The following DUT variants were observed in gnomAD, a reference collection of about 807,000 sequenced individuals.
The protein encoded by DUT is deoxyuridine triphosphatase.
Under a neutral mutation model 28.8 loss-of-function variants are expected in DUT, and 21 were observed. The observed-to-expected ratio is 0.73, with a 90% CI of 0.52 to 1.05. DUT has a LOEUF of 1.05. Ranked by LOEUF, DUT falls within the 50% of genes least tolerant of loss-of-function variation. The pLI, the probability that DUT is intolerant of heterozygous loss-of-function variation, is 0.00. For synonymous variants in DUT, 147 were observed against 143.7 expected, an observed-to-expected ratio of 1.02 and a Z score of -0.17; for missense variants, 344 against 351.8, an observed-to-expected ratio of 0.98 and a Z score of 0.18.
rs200067199 is a variant in DUT, at chr15:48,336,023, A to G, written c.512-23A>G. ...TAGCCCTTCCCCCTTAAAATAACCA[A>G]TGTCTCCTTTTTTGTTTTTTAGCTC... On this transcript the variant is annotated intron_variant, in intron 3 of 6. Transcript: ENST00000331200. 8 of 1,601,672 alleles carry G rather than the reference A, an allele frequency of 5.0e-6. No homozygotes were observed. The African/African-American group carries it at 9.4e-5, about 19-fold the overall frequency.
Position 48,341,566 on chromosome 15 carries a change from C to T in DUT, c.683C>T (p.Pro228Leu), listed in dbSNP as rs2141169600. The change falls in exon 6 of 7, where the codon CCA becomes CTA. Residue 228 changes from proline (P) to leucine (L), a missense_variant. By Grantham distance (98) the Pro-to-Leu change is moderately conservative. Transcript: ENST00000331200. ...AQLICERIFY[P>L]EIEEVQALDD... ...CTCATTTGCGAACGGATTTTTTATC[C>T]AGAAATAGAAGAAGTTCAAGTAAGT... 6.2e-7 allele frequency: 1 copy of T among 1,612,180 alleles called. No individual in the cohort carries two copies.
upstream of DUT, chr15:48,331,104 G>GAAA: frequency 8.3e-7 from 1 of 1,200,078 alleles, no homozygotes; most frequent in Admixed American, 4.2e-5. Context: ...CGCAATAACT[G>GAAA]TCACCGGCGC....
intron 2 of DUT, among the ~76,000 whole-genome samples, chr15:48,334,209 T>C (rs2042450277): frequency 6.6e-6 from 1 of 152,222 alleles, no homozygotes; most frequent in African/African-American, 2.4e-5. Flanking sequence ...TAAAGCTGTC[T>C]TTTTAATAAT....
chr15:48,334,779 T>C (rs2042457066), intron 3 of DUT, among the ~76,000 whole-genome samples: 1 of 152,242 alleles, frequency 6.6e-6, no homozygotes. Flanking sequence ...TTTTATATTA[T>C]GAGAGTAAAA....
Position 48,332,346 on chromosome 15 carries a change from C to G in DUT, c.359C>G (p.Ser120Cys). Reference sequence around the variant, plus strand: ...ATGCAGCTCCGCTTTGCCCGGCTCTCCGAGCACGCCACGGCCCCCACCCGG... The same window carrying G: ...ATGCAGCTCCGCTTTGCCCGGCTCTGCGAGCACGCCACGGCCCCCACCCGG... Reference protein sequence around the residue: ...GGMQLRFARLSEHATAPTRGS... With the variant: ...GGMQLRFARLCEHATAPTRGS... Residue 120 changes from serine to cysteine, a missense_variant, in exon 2 of 7, where the codon TCC (serine) becomes TGC (cysteine). Ser to Cys is a moderately radical substitution (Grantham distance 112). Coordinates refer to ENST00000331200, the MANE Select transcript of DUT (RefSeq NM_001025248.2). The G allele has an allele frequency of 6.2e-7, 1 of 1,605,790 alleles. No individual in the cohort carries two copies. The highest frequency in any genetic ancestry group is 8.5e-7 in the Non-Finnish European group (1 of 1,177,170).
chr15:48,336,431 A>G lies in DUT; in HGVS notation c.556+341A>G, dbSNP rs1434432610. Among the ~76,000 whole-genome samples, 4 of 152,338 alleles carry G rather than the reference A, an allele frequency of 2.6e-5. No homozygotes were observed. The East Asian group carries it at 7.7e-4, about 29-fold the overall frequency. ...TCTGTCTTTAGCAAAATTTAAGAAG[A>G]AAATCTTTCCCTGAAGTCAGGAGAG... On this transcript the variant is annotated intron_variant, in intron 4 of 6. Coordinates refer to ENST00000331200, the MANE Select transcript of DUT (RefSeq NM_001025248.2).
intron 4 of DUT, 138 bp from the exon 5 acceptor site, chr15:48,341,151 T>G: frequency 1.8e-6 from 1 of 565,878 alleles, no homozygotes; most frequent in South Asian, 2.8e-5. Flanking sequence ...AGGCTTTACA[T>G]AGTACCAGGG....
chr15:48,341,982 T>A, intron 6 of DUT, 40 bp from the exon 7 acceptor site: 1 of 1,511,612 alleles, frequency 6.6e-7, no homozygotes, highest in Non-Finnish European at 8.9e-7. Flanking sequence ...AAGAGGCTCT[T>A]AAAAAAAACT....
At chr15:48,332,737 G>A in intron 2 of DUT, 1 of 551,040 alleles carries the variant, frequency 1.8e-6, no homozygotes, top group Non-Finnish European at 3.5e-6. Flanking sequence ...GAAAAACCAA[G>A]GTGAGAGCCT....
At chr15:48,336,339 AT>A (rs2042475391) in intron 4 of DUT, among the ~76,000 whole-genome samples, 1 of 152,204 alleles carries the variant, frequency 6.6e-6, no homozygotes, top group South Asian at 2.1e-4. Flanking sequence ...TTAAGTAATT[AT>A]TTAAGCAACA....
In DUT at chr15:48,341,555, G is replaced by A. The variant is rs778297726; in HGVS notation, c.672G>A (p.Arg224=). Residue 224 remains arginine (R), a synonymous_variant, in exon 6 of 7, where the codon CGG becomes CGA. Coordinates refer to ENST00000331200, the MANE Select transcript of DUT (RefSeq NM_001025248.2). ...GDRIAQLICE[R]IFYPEIEEVQ... ...GAATTGCACAGCTCATTTGCGAACG[G>A]ATTTTTTATCCAGAAATAGAAGAAG... The A allele has an allele frequency of 3.1e-6, 5 of 1,612,916 alleles. No individual in the cohort carries two copies. Among genetic ancestry groups the A allele is most frequent in the Non-Finnish European group, 2.5e-6 (3 of 1,179,364 alleles).
At position 48,331,466 on chromosome 15, in the gene DUT, G is replaced by T; in HGVS notation, c.-50G>T. The T allele has an allele frequency of 6.2e-7, 1 of 1,603,400 alleles. No homozygotes were observed. The highest frequency in any genetic ancestry group is 8.5e-7 in the Non-Finnish European group (1 of 1,175,746). On this transcript the variant is annotated 5_prime_UTR_variant, in exon 1 of 7. Coordinates refer to ENST00000331200, the MANE Select transcript of DUT (RefSeq NM_001025248.2). ...GGCGCGTCTTCAGGGTGGAAGCCTG[G>T]CGCACGTCCGGAGGTGCCGAGGACC...
intron 1 of DUT, 58 bp downstream of exon 1, chr15:48,331,853 C>G (rs2042415757): frequency 1.2e-6 from 1 of 836,600 alleles, no homozygotes; most frequent in Non-Finnish European, 1.4e-6. Context: ...CGGCTTGAGG[C>G]TGTGGGGGAA....
intron 5 of DUT, 55 bp downstream of exon 5, chr15:48,341,418 G>A (rs1277584197): frequency 1.3e-6 from 2 of 1,546,328 alleles, no homozygotes; most frequent in Admixed American, 3.4e-5. Flanking sequence ...AGTCATGTAT[G>A]TGTAAATTAA....
Position 48,332,270 on chromosome 15 carries a change from A to G in DUT, c.283A>G (p.Thr95Ala), listed in dbSNP as rs766799390. 8 of 1,607,252 alleles carry G rather than the reference A, an allele frequency of 5.0e-6. No homozygotes were observed. Among genetic ancestry groups the G allele is most frequent in the African/African-American group, 1.3e-5 (1 of 74,156 alleles). The change falls in exon 2 of 7, where the codon ACA (threonine) becomes GCA (alanine). Residue 95 changes from threonine to alanine, a missense_variant and splice_region_variant. By Grantham distance (58) the Thr-to-Ala change is moderately conservative. Coordinates refer to ENST00000331200, the MANE Select transcript of DUT (RefSeq NM_001025248.2). ...CTCTGCCATGCCCTGCTCTGAAGAG[A>G]CACCCGCCATTTCACCCAGTAAGCG... ...AGGSPAPGPE[T>A]PAISPSKRAR...
Position 48,332,359 on chromosome 15 carries a change from G to A in DUT, c.372G>A (p.Thr124=). 6.3e-7 allele frequency: 1 copy of A among 1,599,870 alleles called. No homozygotes were observed. Among genetic ancestry groups the A allele is most frequent in the South Asian group, 1.1e-5 (1 of 89,752 alleles). The change falls in exon 2 of 7, where the codon ACG becomes ACA. Residue 124 remains threonine, a synonymous_variant. Transcript: ENST00000331200. ...LRFARLSEHA[T]APTRGSARAA... The stretch of plus-strand genomic sequence containing the variant: ...TTGCCCGGCTCTCCGAGCACGCCAC[G>A]GCCCCCACCCGGGGCTCCGCGCGCG...
rs1258881691 is a variant in DUT, at chr15:48,331,802, A to G, written c.280+7A>G. On this transcript the variant is annotated splice_region_variant and intron_variant, in intron 1 of 6. Coordinates refer to ENST00000331200, the MANE Select transcript of DUT (RefSeq NM_001025248.2). ...AGCCCGGCGCCGGGGCCGGGTAGGA[A>G]AGGCGGGGGAGGGGCTCCGGCCGTC... 2 of 1,315,716 alleles carry G rather than the reference A, an allele frequency of 1.5e-6. No individual in the cohort carries two copies. Among genetic ancestry groups the G allele is most frequent in the South Asian group, 1.8e-5 (1 of 56,774 alleles). The allele number at this position is 1,315,716 out of a possible 1,614,324, so 81.5% of individuals were successfully genotyped here.
chr15:48,332,570 A>G (rs532664293), intron 2 of DUT, 164 bp downstream of exon 2: 1 of 747,864 alleles, frequency 1.3e-6, no homozygotes, highest in South Asian at 1.6e-5. Flanking sequence ...TAAATTAAAT[A>G]GAGATTTGGG....
intron 4 of DUT, among the ~76,000 whole-genome samples, chr15:48,338,231 C>T (rs569494249): frequency 2.0e-4 from 30 of 151,088 alleles, no homozygotes; most frequent in African/African-American, 6.8e-4. Flanking sequence ...TTCTGCCATA[C>T]ATTTGAATTG....
Sources: allele counts gnomAD v4.1 joint callset (sites outside exome capture counted in the v4.1 genomes callset), GRCh38; gene constraint gnomAD v4.1.1; transcripts MANE v1.5; gene names NCBI Gene and HGNC (gene_info 2026-07-23, HGNC 2026-07-21).